The following SPTA1 variants were observed in gnomAD, a reference collection of about 807,000 sequenced individuals.
The protein encoded by SPTA1 is spectrin alpha, erythrocytic 1.
A neutral mutation model predicts 324.7 loss-of-function variants in SPTA1; 177 were observed. The ratio of observed to expected loss-of-function variants is 0.55; its 90% CI spans 0.48 to 0.62. The LOEUF (loss-of-function observed/expected upper bound fraction) is 0.62. Ranked by LOEUF, SPTA1 falls within the 20% of genes least tolerant of loss-of-function variation. The pLI is 0.00. For missense variants in SPTA1, 3,162 were observed against 2,883.6 expected (o/e 1.10, Z -2.21); for synonymous variants, 1,195 against 1,041.3 (o/e 1.15, Z -2.84).
At chr1:158,620,667 T>C in intron 43 of SPTA1, 2 of 575,760 alleles carry the variant, frequency 3.5e-6, no homozygotes, top group Non-Finnish European at 6.0e-6. Flanking sequence ...TTCTGGCATT[T>C]TCTCATTGTG....
intron 39 of SPTA1, among the ~76,000 whole-genome samples, chr1:158,629,187 CTCTATCTATCTA>C (rs71084281): frequency 3.0e-4 from 44 of 148,132 alleles, no homozygotes; most frequent in Non-Finnish European, 4.8e-4. Flanking sequence ...CAAAATATAT[CTCTATCTATCTA>C]TCTATCTATC....
intron 51 of SPTA1, 87 bp downstream of exon 51, chr1:158,612,730 G>A (rs1420416344): frequency 3.8e-5 from 58 of 1,507,266 alleles, no homozygotes; most frequent in Non-Finnish European, 5.1e-5. Context: ...AAGTGGGTGG[G>A]TTTTTTCAAA....
In SPTA1 at chr1:158,643,291, T is replaced by C. The variant is rs183291191; in HGVS notation, c.4442+31A>G. On this transcript the variant is annotated intron_variant, in intron 31 of 51. Coordinates refer to ENST00000643759, the MANE Select transcript of SPTA1 (RefSeq NM_003126.4). ...AAAGGTCAGTTTGCTATATCTTCCT[T>C]TGGCACATAAAACAATCACTCAGGC... 3.1e-6 allele frequency: 5 copies of C among 1,611,526 alleles called. No individual in the cohort carries two copies. The African/African-American group carries it at 6.7e-5, about 22-fold the overall frequency.
intron 39 of SPTA1, among the ~76,000 whole-genome samples, chr1:158,633,495 C>T (rs1424066469): frequency 6.6e-6 from 1 of 151,656 alleles, no homozygotes; most frequent in African/African-American, 2.4e-5. Flanking sequence ...CCCTTGTCTA[C>T]TAAAAATACA....
intron 5 of SPTA1, among the ~76,000 whole-genome samples, chr1:158,678,756 A>C (rs1355872005): frequency 6.6e-6 from 1 of 152,118 alleles, no homozygotes; most frequent in Non-Finnish European, 1.5e-5. Flanking sequence ...ATCTGTGCCC[A>C]CAGCAGTGGA....
At chr1:158,636,917 G>A (rs1285884310) in intron 36 of SPTA1, among the ~76,000 whole-genome samples, 156 bp from the exon 37 acceptor site, 1 of 152,116 alleles carries the variant, frequency 6.6e-6, no homozygotes, top group African/African-American at 2.4e-5. Context: ...TATAATTAGT[G>A]GAAGAGGCTT....
chr1:158,623,785 A>C (rs113070438), intron 42 of SPTA1, among the ~76,000 whole-genome samples: 8,122 of 152,294 alleles, frequency 0.053, 489 homozygotes, highest in African/African-American at 0.15. Context: ...GAACAGACTA[A>C]TACAGTACAT....
At position 158,619,330 on chromosome 1, in the gene SPTA1, C is replaced by A. The variant is rs201838571; in HGVS notation, c.6422G>T (p.Arg2141Leu). The change falls in exon 45 of 52, where the codon CGG (arginine) becomes CTG (leucine). Residue 2141 changes from arginine to leucine, a missense_variant. Physicochemically the swap from Arg to Leu is moderately radical, Grantham distance 102. Coordinates refer to ENST00000643759, the MANE Select transcript of SPTA1 (RefSeq NM_003126.4). ...WKHLSDIIEEREQELQKEEAR... is the reference protein window; with the variant it reads ...WKHLSDIIEELEQELQKEEAR... The stretch of plus-strand genomic sequence containing the variant: ...CTCTTCCTTTTGCAGCTCCTGCTCC[C>A]GTTCCTAAAACCCCAAATCACAGAC... 3 of 1,614,056 alleles carry A rather than the reference C, an allele frequency of 1.9e-6. No individual in the cohort carries two copies. The Admixed American group carries it at 5.0e-5, about 27-fold the overall frequency.
chr1:158,643,417 C>A lies in SPTA1; in HGVS notation c.4347G>T (p.Lys1449Asn), dbSNP rs375506528. The A allele has an allele frequency of 2.5e-4, 410 of 1,613,410 alleles. No individual in the cohort carries two copies. Among genetic ancestry groups the A allele is most frequent in the Non-Finnish European group, 3.4e-4 (399 of 1,179,860 alleles). The change falls in exon 31 of 52, where the codon AAG (lysine) becomes AAT (asparagine). Residue 1449 changes from lysine (K) to asparagine (N), a missense_variant. Lys to Asn is a moderately conservative substitution (Grantham distance 94). Coordinates refer to ENST00000643759, the MANE Select transcript of SPTA1 (RefSeq NM_003126.4). ...CAGCAAAATGTTCTAGGTCAGTGATCTTCCCTTCCTAAATAAAGGAAAAGG... is the reference window on the plus strand; with the variant it reads ...CAGCAAAATGTTCTAGGTCAGTGATATTCCCTTCCTAAATAAAGGAAAAGG... ...LDKAITAQEGKITDLEHFAES... is the reference protein window; with the variant it reads ...LDKAITAQEGNITDLEHFAES...
At chr1:158,668,607 G>C (rs1222570836) in intron 14 of SPTA1, among the ~76,000 whole-genome samples, 2 of 152,146 alleles carry the variant, frequency 1.3e-5, no homozygotes, top group Admixed American at 1.3e-4. Flanking sequence ...ACTTTCAATA[G>C]ATACCGGCCT....
chr1:158,620,037 G>A (rs1448963648), intron 44 of SPTA1, 133 bp downstream of exon 44: 2 of 1,228,136 alleles, frequency 1.6e-6, no homozygotes, highest in Non-Finnish European at 2.4e-6. Flanking sequence ...TTCTTAGACA[G>A]TCATGTTTCA....
intron 37 of SPTA1, 73 bp from the exon 38 acceptor site, chr1:158,636,107 G>T (rs1651051204): frequency 6.2e-7 from 1 of 1,612,688 alleles, no homozygotes; most frequent in African/African-American, 1.3e-5. Flanking sequence ...CCTGAGCAAA[G>T]TATCTAGCCC....
Position 158,644,385 on chromosome 1 carries a change from C to G in SPTA1, c.4206G>C (p.Gly1402=), listed in dbSNP as rs774133420. The change falls in exon 30 of 52, where the codon GGG becomes GGC. Residue 1402 remains glycine, a synonymous_variant. Transcript: ENST00000643759. ...TCCAGCTCTCAACTTGATCACAGTT[C>G]CCCTGGAACATCTATGAGGAATCAA... The part of the protein sequence containing the change: ...DQCLELQMFQ[G]NCDQVESWMV... 2.5e-6 allele frequency: 4 copies of G among 1,613,710 alleles called. No individual in the cohort carries two copies. In the Admixed American group the frequency reaches 5.0e-5, roughly 20 times the overall value.
chr1:158,632,371 C>T lies in SPTA1; in HGVS notation c.5565+2172G>A, dbSNP rs980530353. 5.9e-5 allele frequency among the ~76,000 whole-genome samples: 9 copies of T among 152,142 alleles called. No individual in the cohort carries two copies. In the East Asian group the frequency reaches 1.7e-3, roughly 29 times the overall value. On this transcript the variant is annotated intron_variant, in intron 39 of 51. Coordinates refer to ENST00000643759, the MANE Select transcript of SPTA1 (RefSeq NM_003126.4). ...AAGAGCATTTCTATACAGCCTACAA[C>T]ATTGTACCTATAGTCAACAATAATA...
At chr1:158,622,351 GGTACATATAATGTACATATAATTAT>G (rs1649968680) in intron 43 of SPTA1, among the ~76,000 whole-genome samples, 2 of 150,406 alleles carry the variant, frequency 1.3e-5, no homozygotes, top group African/African-American at 4.9e-5. Flanking sequence ...CATATATTTA[GGTACATATAATGTACATATAATTAT>G]GTATTATTAA....
chr1:158,672,777 C>A (rs1329484553), intron 10 of SPTA1, among the ~76,000 whole-genome samples: 1 of 151,998 alleles, frequency 6.6e-6, no homozygotes, highest in Admixed American at 6.6e-5. Flanking sequence ...GCTTGTTACA[C>A]CTGCAGCTGT....
intron 5 of SPTA1, among the ~76,000 whole-genome samples, chr1:158,679,674 T>C (rs703124): frequency 0.33 from 50,267 of 151,900 alleles, 9,443 homozygotes; most frequent in South Asian, 0.55. Context: ...CACATAAAAA[T>C]GCCAGGTAAG....
chr1:158,629,938 C>G lies in SPTA1; in HGVS notation c.5566-2215G>C, dbSNP rs189479933. Among the ~76,000 whole-genome samples, 217 of 151,500 alleles carry G rather than the reference C, an allele frequency of 1.4e-3. 1 individual carries two copies. Among genetic ancestry groups the G allele is most frequent in the African/African-American group, 5.1e-3 (211 of 41,400 alleles). ...ATAAAATATATAAAAATAAATGTAA[C>G]CAAGGAGGTGAAAAGCTCATACACT... On this transcript the variant is annotated intron_variant, in intron 39 of 51. Coordinates refer to ENST00000643759, the MANE Select transcript of SPTA1 (RefSeq NM_003126.4).
intron 11 of SPTA1, 94 bp from the exon 12 acceptor site, chr1:158,671,547 G>A: frequency 2.1e-6 from 2 of 969,968 alleles, no homozygotes; most frequent in Non-Finnish European, 3.3e-6. Context: ...AGGCAGGAGG[G>A]AACAAGGTGG....
Sources: gnomAD v4.1 joint callset for allele counts (sites outside exome capture counted in the v4.1 genomes callset) on GRCh38, gnomAD v4.1.1 for gene constraint, MANE v1.5 for transcripts, NCBI Gene and HGNC (gene_info 2026-07-23, HGNC 2026-07-21) for gene names.